The following BAIAP3 variants were observed in gnomAD, a reference collection of about 807,000 sequenced individuals.
The protein encoded by BAIAP3 is BAI1-associated protein 3.
In BAIAP3, 180 loss-of-function variants were observed where a neutral mutation model predicts 149.7. The observed-to-expected ratio is 1.20, with a 90% CI of 1.07 to 1.36. The LOEUF is 1.36. BAIAP3 is among the 40% of genes most tolerant of loss of function. The probability of loss-of-function intolerance (pLI) is 0.00; values close to 1 mark genes in which losing one functional copy is unlikely to be tolerated. For missense variants in BAIAP3, 1,767 were observed against 1,563.4 expected (o/e 1.13, Z -2.20); for synonymous variants, 845 against 670.7 (o/e 1.26, Z -4.02).
intron 1 of BAIAP3, among the ~76,000 whole-genome samples, chr16:1,335,575 C>T (rs1283782220): frequency 5.9e-5 from 9 of 152,232 alleles, no homozygotes; most frequent in African/African-American, 2.2e-4. Flanking sequence ...CCATTCACAG[C>T]AGCTCCGGCC....
intron 27 of BAIAP3, 41 bp from the exon 28 acceptor site, chr16:1,346,806 G>A (rs1490567601): frequency 1.5e-5 from 12 of 781,602 alleles, no homozygotes; most frequent in Middle Eastern, 2.9e-4. Context: ...GGCCAGCGGG[G>A]CAGGTGGGGC....
At chr16:1,334,727 C>A (rs1305481572) in intron 1 of BAIAP3, 4 of 1,554,178 alleles carry the variant, frequency 2.6e-6, no homozygotes, top group African/African-American at 2.7e-5. Flanking sequence ...GCACCGCCAT[C>A]GGCTTCGCAG....
At chr16:1,335,631 G>A (rs891898010) in intron 1 of BAIAP3, among the ~76,000 whole-genome samples, 2 of 152,224 alleles carry the variant, frequency 1.3e-5, no homozygotes, top group Admixed American at 6.5e-5. Flanking sequence ...GCTGCAGCCA[G>A]GCTATCAGCT....
chr16:1,347,502 C>A, intron 29 of BAIAP3, 43 bp from the exon 30 acceptor site: 1 of 1,502,080 alleles, frequency 6.7e-7, no homozygotes, highest in Non-Finnish European at 8.9e-7. Context: ...CAGCGCTGAC[C>A]ACCAGCACCC....
Position 1,345,984 on chromosome 16 carries a change from A to C in BAIAP3, c.2209-2A>C. On this transcript the variant is annotated splice_acceptor_variant, in intron 23 of 33. Transcript: ENST00000426824. LOFTEE classifies it high-confidence loss of function. ...GGCTCCCCACCGCCATCCCCTCCTC[A>C]GGACGTGTGTGAGGCCACCCTCTTC... 1 of 1,604,972 alleles carries C rather than the reference A, an allele frequency of 6.2e-7. No homozygotes were observed. Among genetic ancestry groups the C allele is most frequent in the Non-Finnish European group, 8.5e-7 (1 of 1,175,766 alleles).
In BAIAP3 at chr16:1,341,234, C is replaced by G. The variant is rs751292454; in HGVS notation, c.535+39C>G. 2.5e-6 allele frequency: 4 copies of G among 1,607,206 alleles called. No individual in the cohort carries two copies. In the South Asian group the frequency reaches 4.4e-5, roughly 18 times the overall value. On this transcript the variant is annotated intron_variant, in intron 7 of 33. Transcript: ENST00000426824. ...CAGCAGACCTCGGCTGCGCCGAGGC[C>G]TGGCGGCCATGGAGGGCCAGAGGGC...
rs559170096 is a variant in BAIAP3 at position 1,345,940 on chromosome 16, G to C, written c.2209-46G>C. 5 of 1,584,948 alleles carry C rather than the reference G, an allele frequency of 3.2e-6. No homozygotes were observed. In the East Asian group the frequency reaches 9.1e-5, roughly 29 times the overall value. On this transcript the variant is annotated intron_variant, in intron 23 of 33. Transcript: ENST00000426824. Reference sequence around the variant, plus strand: ...AGGGGAACGGGTGGGAGAGGAGATGGGGCAGGGGAGGGCTCCATGGCTCCC... The same window carrying C: ...AGGGGAACGGGTGGGAGAGGAGATGCGGCAGGGGAGGGCTCCATGGCTCCC...
intron 12 of BAIAP3, 30 bp downstream of exon 12, chr16:1,342,664 C>G (rs747185968): frequency 6.2e-7 from 1 of 1,608,680 alleles, no homozygotes; most frequent in Non-Finnish European, 8.5e-7. Flanking sequence ...CCGTCCTCCA[C>G]CCCCGTCCTT....
Position 1,345,163 on chromosome 16 carries a change from G to A in BAIAP3, c.1940+64G>A, listed in dbSNP as rs376953025. The A allele has an allele frequency of 3.2e-4, 517 of 1,610,566 alleles. 2 individuals are homozygous for A. The African/African-American group carries it at 6.3e-3, about 20-fold the overall frequency. On this transcript the variant is annotated intron_variant, in intron 21 of 33. Transcript: ENST00000426824. Reference sequence around the variant, plus strand: ...GGACCAGGGCCCCAGGACCTGTGAGGGGGACGGTCCTGGAGCTGTGAGCCT... The same window carrying A: ...GGACCAGGGCCCCAGGACCTGTGAGAGGGACGGTCCTGGAGCTGTGAGCCT...
intron 21 of BAIAP3, 54 bp from the exon 22 acceptor site, chr16:1,345,195 T>C: frequency 2.5e-6 from 4 of 1,609,336 alleles, no homozygotes; most frequent in Non-Finnish European, 3.4e-6. Context: ...GCCTGGAACG[T>C]GCTGGTTAAG....
chr16:1,342,575 T>C lies in BAIAP3; in HGVS notation c.1006T>C (p.Ser336Pro). The C allele has an allele frequency of 1.3e-6, 2 of 1,561,048 alleles. No homozygotes were observed. The highest frequency in any genetic ancestry group is 1.7e-6 in the Non-Finnish European group (2 of 1,153,490). ...CCGCTGGTTCAAGCTGGAGCCACGC[T>C]CCAGTGCCTCGCGTGTGCAGGGACA... ...VDRWFKLEPR[S>P]SASRVQGHCH... Residue 336 changes from serine (S) to proline (P), a missense_variant, in exon 12 of 34, where the codon TCC (serine) becomes CCC (proline). Coordinates refer to ENST00000426824, the MANE Select transcript of BAIAP3 (RefSeq NM_001199097.2).
intron 2 of BAIAP3, 51 bp from the exon 3 acceptor site, chr16:1,338,851 G>A (rs2033653851): frequency 6.2e-7 from 1 of 1,608,008 alleles, no homozygotes; most frequent in African/African-American, 1.3e-5. Flanking sequence ...GAGGGTCCCA[G>A]GCAGGGGCCA....
At position 1,342,752 on chromosome 16, in the gene BAIAP3, G is replaced by T; in HGVS notation, c.1099G>T (p.Gly367Cys). 2 of 1,612,494 alleles carry T rather than the reference G, an allele frequency of 1.2e-6. No individual in the cohort carries two copies. The highest frequency in any genetic ancestry group is 1.7e-6 in the Non-Finnish European group (2 of 1,180,000). Residue 367 changes from glycine to cysteine, a missense_variant, in exon 13 of 34, where the codon GGC (glycine) becomes TGC (cysteine). Gly to Cys is a radical substitution (Grantham distance 159, BLOSUM62 -3). Transcript: ENST00000426824. ...GGCCATGAGCCAGCGCGGGCGATCC[G>T]GCTTCCTGTCCCACCTGCTGCTGCT... ...DTAMSQRGRS[G>C]FLSHLLLLSH...
rs369569508 is a variant in BAIAP3 at position 1,342,175 on chromosome 16, G to A, written c.855-6G>A. The A allele has an allele frequency of 7.5e-5, 119 of 1,595,062 alleles. No homozygotes were observed. Among genetic ancestry groups the A allele is most frequent in the Non-Finnish European group, 9.3e-5 (109 of 1,167,638 alleles). Reference sequence around the variant, plus strand: ...CAGCGTGATGCTCACCACCTGTGGTGGCCAGGTACTTCAAACAGATCGTCA... The same window carrying A: ...CAGCGTGATGCTCACCACCTGTGGTAGCCAGGTACTTCAAACAGATCGTCA... On this transcript the variant is annotated splice_polypyrimidine_tract_variant and splice_region_variant and intron_variant, in intron 10 of 33. Transcript: ENST00000426824.
chr16:1,346,641 C>G lies in BAIAP3; in HGVS notation c.2599C>G (p.Leu867Val), dbSNP rs370238474. Residue 867 changes from leucine to valine, a missense_variant, in exon 27 of 34, where the codon CTG (leucine) becomes GTG (valine). By Grantham distance (32) the Leu-to-Val change is conservative (BLOSUM62 1). Coordinates refer to ENST00000426824, the MANE Select transcript of BAIAP3 (RefSeq NM_001199097.2). The part of the protein sequence containing the change: ...APLMKYLDEK[L>V]ALLNASLVKG... ...GCTCATGAAGTACCTGGATGAGAAG[C>G]TGGCCCTGCTGAACGCCTCGCTGGT... The G allele has an allele frequency of 1.6e-5, 21 of 1,313,632 alleles. No individual in the cohort carries two copies. The South Asian group carries it at 1.6e-4, about 10-fold the overall frequency. The allele number at this position is 1,313,632 out of a possible 1,614,324, so 81.4% of individuals were successfully genotyped here.
chr16:1,345,818 C>T lies in BAIAP3; in HGVS notation c.2136C>T (p.Ile712=), dbSNP rs2034315795. 1 of 1,581,424 alleles carries T rather than the reference C, an allele frequency of 6.3e-7. No individual in the cohort carries two copies. The highest frequency in any genetic ancestry group is 2.3e-5 in the East Asian group (1 of 43,456). ...AATAGLCLSH[I]QELWVRLAWP... is the part of the protein sequence containing the mutation. ...CTGCTGGTCTCTGCCTCAGCCACAT[C>T]CAGGAGTTGTGGGTGCGCCTGGCGT... The change falls in exon 23 of 34, where the codon ATC becomes ATT. Residue 712 remains isoleucine (I), a synonymous_variant. Transcript: ENST00000426824.
At chr16:1,342,337 T>G (rs775613060) in intron 11 of BAIAP3, 54 bp downstream of exon 11, 3 of 1,564,126 alleles carry the variant, frequency 1.9e-6, no homozygotes, top group Non-Finnish European at 2.6e-6. Flanking sequence ...CTGGGGAGTG[T>G]CCCAGCCTTC....
Position 1,342,277 on chromosome 16 carries a change from T to C in BAIAP3, c.951T>C (p.Pro317=). The change falls in exon 11 of 34, where the codon CCT becomes CCC. Residue 317 remains proline, a synonymous_variant. Transcript: ENST00000426824. ...TDDFLGCLNI[P]VREVPVAGVD... ...ACTTCCTGGGGTGCCTCAACATACC[T>C]GTCCGGGTGAGTGGGTGTGGGGTGG... 6.2e-7 allele frequency: 1 copy of C among 1,611,950 alleles called. No homozygotes were observed. The highest frequency in any genetic ancestry group is 8.5e-7 in the Non-Finnish European group (1 of 1,179,538).
At position 1,338,972 on chromosome 16, in the gene BAIAP3, G is replaced by A. The variant is rs753899566; in HGVS notation, c.202G>A (p.Gly68Ser). 26 of 1,613,002 alleles carry A rather than the reference G, an allele frequency of 1.6e-5. No individual in the cohort carries two copies. Among genetic ancestry groups the A allele is most frequent in the Non-Finnish European group, 2.1e-5 (25 of 1,179,916 alleles). Residue 68 changes from glycine (G) to serine (S), a missense_variant, in exon 3 of 34, where the codon GGC becomes AGC. Coordinates refer to ENST00000426824, the MANE Select transcript of BAIAP3 (RefSeq NM_001199097.2). ...LMLKKGEGRQGLPCLEVPLRS... is the reference protein window; with the variant it reads ...LMLKKGEGRQSLPCLEVPLRS... Reference sequence around the variant, plus strand: ...GCTGAAGAAGGGGGAAGGCAGACAGGGCTTGCCGTGCCTCGAGGTAAGGGT... The same window carrying A: ...GCTGAAGAAGGGGGAAGGCAGACAGAGCTTGCCGTGCCTCGAGGTAAGGGT...
Sources: allele counts gnomAD v4.1 joint callset (sites outside exome capture counted in the v4.1 genomes callset), GRCh38; gene constraint gnomAD v4.1.1; transcripts MANE v1.5; gene names NCBI Gene and HGNC (gene_info 2026-07-23, HGNC 2026-07-21).